The following SUGT1 variants were observed in gnomAD, a reference collection of about 807,000 sequenced individuals.
The protein encoded by SUGT1 is SGT1 assembly cochaperone of MIS12 kinetochore complex, also known as protein SGT1 homolog.
A neutral mutation model predicts 56.1 loss-of-function variants in SUGT1; 15 were observed. The observed-to-expected ratio is 0.27, with a 90% CI of 0.18 to 0.41. SUGT1 has a LOEUF of 0.41. Ranked by LOEUF, SUGT1 falls within the 10% of genes least tolerant of loss-of-function variation. The pLI, the probability that SUGT1 is intolerant of heterozygous loss-of-function variation, is 1.00. For synonymous variants in SUGT1, 123 were observed against 128.6 expected (o/e 0.96, Z 0.30); for missense variants, 347 against 382.2 (o/e 0.91, Z 0.77).
chr13:52,684,637 C>G (rs751075240), intron 12 of SUGT1, among the ~76,000 whole-genome samples: 5 of 151,682 alleles, frequency 3.3e-5, no homozygotes. Context: ...CTCCTGGGCT[C>G]GAGTAATCCT....
chr13:52,699,606 T>C lies in SUGT1; in HGVS notation c.*11771T>C, dbSNP rs1964029430. ...TTAACAGGCAGGAATATGGTTTTAA[T>C]GGAAAGGAAACCATTTGCCTTTAAC... On this transcript the variant is annotated 3_prime_UTR_variant, in exon 13 of 13. Transcript: ENST00000310528. The C allele has an allele frequency of 1.3e-5, 2 of 152,198 alleles. No homozygotes were observed. The highest frequency in any genetic ancestry group is 4.8e-5 in the African/African-American group (2 of 41,454). 9.4% of individuals were successfully genotyped at this position (152,198 alleles called of 1,614,324 possible).
At chr13:52,683,705 T>C (rs1963462407) in intron 12 of SUGT1, among the ~76,000 whole-genome samples, 1 of 152,208 alleles carries the variant, frequency 6.6e-6, no homozygotes, top group South Asian at 2.1e-4. Flanking sequence ...AGTGAAACGG[T>C]CTGGGCCTGG....
rs1963849927 is a variant in SUGT1 at position 52,693,884 on chromosome 13, C to G, written c.*6049C>G. 6.6e-6 allele frequency: 1 copy of G among 152,156 alleles called. No individual in the cohort carries two copies. The highest frequency in any genetic ancestry group is 1.5e-5 in the Non-Finnish European group (1 of 68,038). The allele number at this position is 152,156 out of a possible 1,614,324, so 9.4% of individuals were successfully genotyped here. On this transcript the variant is annotated 3_prime_UTR_variant, in exon 13 of 13. Coordinates refer to ENST00000310528, the MANE Select transcript of SUGT1 (RefSeq NM_006704.5). ...ACAAAATACAGCAGTTGCCCCTTAA[C>G]TGTGGCAGATACATTCCAAGACCCC...
In SUGT1 at chr13:52,683,757, A is replaced by G. The variant is rs373762137; in HGVS notation, c.900+3602A>G. Reference sequence around the variant, plus strand: ...AGATTTACAGTTATGAATTTAGTTAACCTAAAAGTTTTTATAGGACTGTTC... The same window carrying G: ...AGATTTACAGTTATGAATTTAGTTAGCCTAAAAGTTTTTATAGGACTGTTC... On this transcript the variant is annotated intron_variant, in intron 12 of 12. Coordinates refer to ENST00000310528, the MANE Select transcript of SUGT1 (RefSeq NM_006704.5). Among the ~76,000 whole-genome samples the G allele has an allele frequency of 3.7e-4, 57 of 152,304 alleles. 1 individual carries two copies. The South Asian group carries it at 6.8e-3, about 18-fold the overall frequency.
At chr13:52,684,362 T>C (rs531470511) in intron 12 of SUGT1, among the ~76,000 whole-genome samples, 90 of 152,304 alleles carry the variant, frequency 5.9e-4, no homozygotes, top group African/African-American at 2.1e-3. Context: ...TTGCTTATGT[T>C]ATTGAATTTT....
rs1366891964 is a variant in SUGT1 at position 52,695,530 on chromosome 13, A to G, written c.*7695A>G. Reference sequence around the variant, plus strand: ...AAGTCCTGACTCAAATTATGTTACCAATAAATGCTACTTAAATGTAAAGTC... The same window carrying G: ...AAGTCCTGACTCAAATTATGTTACCGATAAATGCTACTTAAATGTAAAGTC... On this transcript the variant is annotated 3_prime_UTR_variant, in exon 13 of 13. Transcript: ENST00000310528. 1 of 152,248 alleles carries G rather than the reference A, an allele frequency of 6.6e-6. No individual in the cohort carries two copies. Among genetic ancestry groups the G allele is most frequent in the East Asian group, 1.9e-4 (1 of 5,192 alleles). The allele number at this position is 152,248 out of a possible 1,614,324, so 9.4% of individuals were successfully genotyped here.
chr13:52,682,737 C>CT (rs1238385515), intron 12 of SUGT1, among the ~76,000 whole-genome samples: 2 of 152,216 alleles, frequency 1.3e-5, no homozygotes, highest in East Asian at 3.8e-4. Context: ...GTATGTTCCT[C>CT]TGTCAGTCCC....
chr13:52,685,616 A>T (rs575935864), intron 12 of SUGT1, among the ~76,000 whole-genome samples: 3 of 152,304 alleles, frequency 2.0e-5, no homozygotes, highest in African/African-American at 7.2e-5. Flanking sequence ...ACTCATTTTC[A>T]TATAGAAACT....
Position 52,694,717 on chromosome 13 carries a change from T to C in SUGT1, c.*6882T>C, listed in dbSNP as rs1268065082. 3.3e-5 allele frequency: 5 copies of C among 152,316 alleles called. No individual in the cohort carries two copies. The highest frequency in any genetic ancestry group is 7.3e-5 in the Non-Finnish European group (5 of 68,120). The allele number at this position is 152,316 out of a possible 1,614,324, so 9.4% of individuals were successfully genotyped here. Reference sequence around the variant, plus strand: ...TTTTGTTTTTGTTTTTGAGACGGAGTCTTGCTCTGTCGCCCAGGCTGGAGT... The same window carrying C: ...TTTTGTTTTTGTTTTTGAGACGGAGCCTTGCTCTGTCGCCCAGGCTGGAGT... On this transcript the variant is annotated 3_prime_UTR_variant, in exon 13 of 13. Coordinates refer to ENST00000310528, the MANE Select transcript of SUGT1 (RefSeq NM_006704.5).
At chr13:52,677,997 A>G (rs1463531524) in intron 11 of SUGT1, among the ~76,000 whole-genome samples, 1 of 152,214 alleles carries the variant, frequency 6.6e-6, no homozygotes, top group Non-Finnish European at 1.5e-5. Context: ...AAATTAATAT[A>G]CTTGTCAGAT....
intron 2 of SUGT1, 29 bp downstream of exon 2, chr13:52,653,132 CTCT>C (rs762166899): frequency 4.0e-5 from 64 of 1,613,824 alleles, no homozygotes; most frequent in Admixed American, 6.7e-5. Flanking sequence ...GCTTCCTCCA[CTCT>C]TCTTAGGGGA....
chr13:52,659,302 C>A lies in SUGT1; in HGVS notation c.328+53C>A, dbSNP rs1002672407. The A allele has an allele frequency of 7.0e-6, 8 of 1,142,376 alleles. No homozygotes were observed. The African/African-American group carries it at 8.3e-5, about 12-fold the overall frequency. The allele number at this position is 1,142,376 out of a possible 1,614,324, so 70.8% of individuals were successfully genotyped here. ...AACTTATCTATTTCTGTCTTAAATACCAAAGCTGAATTTTGGTAATGTTAA... is the reference window on the plus strand; with the variant it reads ...AACTTATCTATTTCTGTCTTAAATAACAAAGCTGAATTTTGGTAATGTTAA... On this transcript the variant is annotated intron_variant, in intron 5 of 12. Transcript: ENST00000310528.
At chr13:52,666,941 T>C in intron 10 of SUGT1, 22 bp downstream of exon 10, 1 of 1,521,646 alleles carries the variant, frequency 6.6e-7, no homozygotes, top group Middle Eastern at 1.7e-4. Context: ...GAAAAGTTTG[T>C]TACTAGTAAT....
In SUGT1 at chr13:52,687,898, T is replaced by A; in HGVS notation, c.*63T>A. On this transcript the variant is annotated 3_prime_UTR_variant, in exon 13 of 13. Coordinates refer to ENST00000310528, the MANE Select transcript of SUGT1 (RefSeq NM_006704.5). ...CCTAATGCCCATTGTGTATTGATAT[T>A]GCATTCTTGAATTTTGAACACTGAA... The A allele has an allele frequency of 9.4e-7, 1 of 1,061,032 alleles. No homozygotes were observed. The highest frequency in any genetic ancestry group is 1.9e-5 in the South Asian group (1 of 52,588). The allele number at this position is 1,061,032 out of a possible 1,614,324, so 65.7% of individuals were successfully genotyped here. A position where few individuals can be genotyped will look rare whatever the true frequency, so the allele number is the denominator to read the frequency against.
rs1345878819 is a variant in SUGT1 at position 52,697,655 on chromosome 13, GT to G, written c.*9822del. ...TTTATTTTTAAACAGTATCAACACC[GT>G]TGAGGCCCTTCAAGTCTTTGCAGTC... is the stretch of plus-strand genomic sequence containing the variant. On this transcript the variant is annotated 3_prime_UTR_variant, in exon 13 of 13. Transcript: ENST00000310528. 3 of 152,118 alleles carry G rather than the reference GT, an allele frequency of 2.0e-5. No individual in the cohort carries two copies. Among genetic ancestry groups the G allele is most frequent in the Admixed American group, 2.0e-4 (3 of 15,254 alleles). The allele number at this position is 152,118 out of a possible 1,614,324, so 9.4% of individuals were successfully genotyped here. A position where few individuals can be genotyped will look rare whatever the true frequency, so the allele number is the denominator to read the frequency against.
At chr13:52,658,261 T>C (rs1234232412) in intron 3 of SUGT1, 138 bp from the exon 4 acceptor site, 1 of 1,523,422 alleles carries the variant, frequency 6.6e-7, no homozygotes, top group Non-Finnish European at 8.8e-7. Flanking sequence ...TTCTATCTTG[T>C]ATTAGCTTTT....
rs1242853983 is a variant in SUGT1 at position 52,699,897 on chromosome 13, C to G, written c.*12062C>G. On this transcript the variant is annotated 3_prime_UTR_variant, in exon 13 of 13. Coordinates refer to ENST00000310528, the MANE Select transcript of SUGT1 (RefSeq NM_006704.5). Reference sequence around the variant, plus strand: ...TAGTAAAAAGTATATAGAGGTATGTCTTTCACACTATCTTGTTACTATTAG... The same window carrying G: ...TAGTAAAAAGTATATAGAGGTATGTGTTTCACACTATCTTGTTACTATTAG... The G allele has an allele frequency of 1.3e-5, 2 of 152,114 alleles. No individual in the cohort carries two copies. The highest frequency in any genetic ancestry group is 2.4e-5 in the African/African-American group (1 of 41,434). The allele number at this position is 152,114 out of a possible 1,614,324, so 9.4% of individuals were successfully genotyped here. A position where few individuals can be genotyped will look rare whatever the true frequency, so the allele number is the denominator to read the frequency against.
chr13:52,681,196 A>G (rs6561678), intron 12 of SUGT1, among the ~76,000 whole-genome samples: 143,173 of 149,784 alleles, frequency 0.96, 68,440 homozygotes, highest in East Asian at 0.99. Flanking sequence ...TGGGAGGATC[A>G]CTTGAGCTAA....
chr13:52,687,823 GA>G lies in SUGT1; in HGVS notation c.995del (p.Lys332SerfsTer4). On this transcript the variant is annotated frameshift_variant, in exon 13 of 13. Coordinates refer to ENST00000310528, the MANE Select transcript of SUGT1 (RefSeq NM_006704.5). LOFTEE classifies it high-confidence loss of function. Reference protein sequence around the residue: ...EINPPDDMEWKKY With the variant: ...EINPPDDMEWXKY ...TCAATCCTCCTGATGATATGGAATG[GA>G]AAAAGTACTAAATAAATTAATTTGC... 1 of 1,597,940 alleles carries G rather than the reference GA, an allele frequency of 6.3e-7. No homozygotes were observed. The highest frequency in any genetic ancestry group is 8.5e-7 in the Non-Finnish European group (1 of 1,173,054).
Sources: gnomAD v4.1 joint callset for allele counts (sites outside exome capture counted in the v4.1 genomes callset) on GRCh38, gnomAD v4.1.1 for gene constraint, MANE v1.5 for transcripts, NCBI Gene and HGNC (gene_info 2026-07-23, HGNC 2026-07-21) for gene names.